RAPSN: variants seen among roughly 807,000 people sequenced by gnomAD.
The protein encoded by RAPSN is receptor associated protein of the synapse, also known as 43 kDa receptor-associated protein of the synapse.
In RAPSN, 33 loss-of-function variants were observed where a neutral mutation model predicts 45.7. The ratio of observed to expected loss-of-function variants is 0.72; its 90% CI spans 0.55 to 0.97. The LOEUF is 0.97. Ranked by LOEUF, RAPSN falls within the 50% of genes least tolerant of loss-of-function variation. The pLI is 0.00. For synonymous variants in RAPSN, 244 were observed against 233.6 expected (o/e 1.04, Z -0.40); for missense variants, 519 against 559.4 (o/e 0.93, Z 0.73).
chr11:47,444,035 G>T (rs535406842), intron 2 of RAPSN, among the ~76,000 whole-genome samples: 2 of 145,534 alleles, frequency 1.4e-5, no homozygotes, highest in East Asian at 4.0e-4. Flanking sequence ...TTCAGCTAAA[G>T]CCCCATTTCA....
At chr11:47,442,842 C>A in intron 2 of RAPSN, 28 bp from the exon 3 acceptor site, 1 of 1,612,430 alleles carries the variant, frequency 6.2e-7, no homozygotes, top group Non-Finnish European at 8.5e-7. Context: ...TGGAAGGAGG[C>A]AAACTGAGTG....
At position 47,447,674 on chromosome 11, in the gene RAPSN, C is replaced by A. The variant is rs1417150901; in HGVS notation, c.531+138G>T. On this transcript the variant is annotated intron_variant, in intron 2 of 7. Coordinates refer to ENST00000298854, the MANE Select transcript of RAPSN (RefSeq NM_005055.5). Reference sequence around the variant, plus strand: ...CCAAGTTGTTACCTTCCTGGATAAGCCTTTTTGCTCTCTGATTCTCACTCT... The same window carrying A: ...CCAAGTTGTTACCTTCCTGGATAAGACTTTTTGCTCTCTGATTCTCACTCT... 6.7e-6 allele frequency: 7 copies of A among 1,048,214 alleles called. No individual in the cohort carries two copies. The African/African-American group carries it at 8.0e-5, about 12-fold the overall frequency. 64.9% of individuals were successfully genotyped at this position (1,048,214 alleles called of 1,614,324 possible).
chr11:47,439,895 T>C (rs1298282351), intron 6 of RAPSN, among the ~76,000 whole-genome samples: 1 of 151,990 alleles, frequency 6.6e-6, no homozygotes, highest in Non-Finnish European at 1.5e-5. Context: ...GTATTTTTAG[T>C]AGAGACAGAG....
Position 47,449,134 on chromosome 11 carries a change from A to G in RAPSN, c.-170T>C. On this transcript the variant is annotated 5_prime_UTR_variant, in exon 1 of 8. Coordinates refer to ENST00000298854, the MANE Select transcript of RAPSN (RefSeq NM_005055.5). The stretch of plus-strand genomic sequence containing the variant: ...GATGGAGAGCAGGCGCCACCCTGGG[A>G]ACAAAGCTGGTTCAGCCCGTCTGCA... 1 of 783,384 alleles carries G rather than the reference A, an allele frequency of 1.3e-6. No individual in the cohort carries two copies. Among genetic ancestry groups the G allele is most frequent in the Non-Finnish European group, 2.1e-6 (1 of 467,868 alleles). The allele number at this position is 783,384 out of a possible 1,614,324, so 48.5% of individuals were successfully genotyped here. A position where few individuals can be genotyped will look rare whatever the true frequency, so the allele number is the denominator to read the frequency against.
Position 47,438,826 on chromosome 11 carries a change from C to A in RAPSN, c.1072G>T (p.Glu358Ter). ...HVVRFHECVEETELYCGLCGE... is the reference protein window; with the variant it reads ...HVVRFHECVE The stretch of plus-strand genomic sequence containing the variant: ...CACAGGCCGCAGTAGAGCTCCGTCT[C>A]CTCCACGCACTCGTGGAACCTCACA... The change falls in exon 7 of 8, where the codon GAG (glutamate) becomes TAG (stop). Residue 358 changes from glutamate to a stop codon, truncating the protein, a stop_gained. Transcript: ENST00000298854. LOFTEE classifies it high-confidence loss of function. 6.4e-7 allele frequency: 1 copy of A among 1,573,968 alleles called. No individual in the cohort carries two copies. The highest frequency in any genetic ancestry group is 1.3e-5 in the African/African-American group (1 of 74,496).
chr11:47,438,575 G>T (rs140425916), intron 7 of RAPSN, 157 bp downstream of exon 7: 2 of 830,344 alleles, frequency 2.4e-6, no homozygotes, highest in Non-Finnish European at 3.8e-6. Context: ...AGCCCGCCTC[G>T]GCCTCCCAAA....
chr11:47,439,022 T>C (rs1032796381), intron 6 of RAPSN, 91 bp from the exon 7 acceptor site: 3 of 1,389,026 alleles, frequency 2.2e-6, no homozygotes, highest in East Asian at 2.5e-5. Flanking sequence ...CCTGTCTTGC[T>C]GATGGACCTT....
Position 47,447,691 on chromosome 11 carries a change from T to TCTCA in RAPSN, c.531+117_531+120dup, listed in dbSNP as rs2076418727. The TCTCA allele has an allele frequency of 2.5e-6, 3 of 1,192,566 alleles. 1 individual carries two copies. Among genetic ancestry groups the TCTCA allele is most frequent in the Middle Eastern group, 5.5e-4 (2 of 3,632 alleles). 73.9% of individuals were successfully genotyped at this position (1,192,566 alleles called of 1,614,324 possible). On this transcript the variant is annotated intron_variant, in intron 2 of 7. Transcript: ENST00000298854. ...TGGATAAGCCTTTTTGCTCTCTGAT[T>TCTCA]CTCACTCTCCTCAGCCCTCCCTAAA...
At chr11:47,442,441 C>T (rs1315277135) in intron 3 of RAPSN, among the ~76,000 whole-genome samples, 1 of 152,234 alleles carries the variant, frequency 6.6e-6, no homozygotes, top group Non-Finnish European at 1.5e-5. Context: ...ACGAGGATCG[C>T]TTCAGCACAG....
intron 2 of RAPSN, among the ~76,000 whole-genome samples, chr11:47,446,968 C>T (rs778735185): frequency 3.5e-4 from 54 of 152,278 alleles, no homozygotes; most frequent in Admixed American, 5.9e-4. Context: ...AGTTCCTTCA[C>T]AGTTGGCCCT....
Position 47,437,998 on chromosome 11 carries a change from A to T in RAPSN, c.1216T>A (p.Ser406Thr), listed in dbSNP as rs1486159580. The change falls in exon 8 of 8, where the codon TCC becomes ACC. Residue 406 changes from serine (S) to threonine (T), a missense_variant. By Grantham distance (58) the Ser-to-Thr change is moderately conservative (BLOSUM62 1). Transcript: ENST00000298854. ...TRSCPNCRRS[S>T]MKPGFV Reference sequence around the variant, plus strand: ...AGTCATACAAAGCCAGGCTTCATGGATGAGCGGCGGCAGTTGGGACAGCTC... The same window carrying T: ...AGTCATACAAAGCCAGGCTTCATGGTTGAGCGGCGGCAGTTGGGACAGCTC... 7 of 1,550,412 alleles carry T rather than the reference A, an allele frequency of 4.5e-6. No individual in the cohort carries two copies. Among genetic ancestry groups the T allele is most frequent in the Non-Finnish European group, 6.1e-6 (7 of 1,146,976 alleles).
chr11:47,438,862 G>C lies in RAPSN; in HGVS notation c.1036C>G (p.Arg346Gly). ...YRSKGLQRELRAHVVRFHECV... is the reference protein window; with the variant it reads ...YRSKGLQRELGAHVVRFHECV... ...TCGTGGAACCTCACAACGTGCGCCC[G>C]CAGTTCCCGCTGCAGCCCTTTGCTG... Residue 346 changes from arginine to glycine, a missense_variant, in exon 7 of 8, where the codon CGG becomes GGG. Physicochemically the swap from Arg to Gly is moderately radical, Grantham distance 125. Coordinates refer to ENST00000298854, the MANE Select transcript of RAPSN (RefSeq NM_005055.5). 1 of 1,567,862 alleles carries C rather than the reference G, an allele frequency of 6.4e-7. No individual in the cohort carries two copies. The highest frequency in any genetic ancestry group is 8.7e-7 in the Non-Finnish European group (1 of 1,155,790).
intron 6 of RAPSN, among the ~76,000 whole-genome samples, chr11:47,439,285 C>T (rs1379804092): frequency 6.6e-6 from 1 of 152,120 alleles, no homozygotes; most frequent in Non-Finnish European, 1.5e-5. Flanking sequence ...ACCAGCCTGG[C>T]CAACATGGCG....
In RAPSN at chr11:47,441,682, T is replaced by G; in HGVS notation, c.841A>C (p.Asn281His). Residue 281 changes from asparagine (N) to histidine (H), a missense_variant, in exon 5 of 8, where the codon AAC becomes CAC. Physicochemically the swap from Asn to His is moderately conservative, Grantham distance 68 (BLOSUM62 1). Coordinates refer to ENST00000298854, the MANE Select transcript of RAPSN (RefSeq NM_005055.5). ...AGCGCCTGCACCTGCCCCAGGCGGTTTCCGATCTCGGTCATGATGCTCATG... is the reference window on the plus strand; with the variant it reads ...AGCGCCTGCACCTGCCCCAGGCGGTGTCCGATCTCGGTCATGATGCTCATG... Reference protein sequence around the residue: ...SAMSIMTEIGNRLGQVQALLG... With the variant: ...SAMSIMTEIGHRLGQVQALLG... The G allele has an allele frequency of 6.2e-7, 1 of 1,609,848 alleles. No homozygotes were observed. The highest frequency in any genetic ancestry group is 1.3e-5 in the African/African-American group (1 of 75,032).
chr11:47,442,535 G>A, intron 3 of RAPSN, 121 bp downstream of exon 3: 1 of 1,164,200 alleles, frequency 8.6e-7, no homozygotes, highest in Non-Finnish European at 1.2e-6. Context: ...GGCTGGGCCA[G>A]AGGCAAGCCC....
In RAPSN at chr11:47,441,188, G is replaced by C. The variant is rs575056189; in HGVS notation, c.937C>G (p.Gln313Glu). 6.2e-7 allele frequency: 1 copy of C among 1,614,062 alleles called. No individual in the cohort carries two copies. The highest frequency in any genetic ancestry group is 1.3e-5 in the African/African-American group (1 of 75,028). Reference sequence around the variant, plus strand: ...TTCCCCACCTCCTCGGCCAGATCCTGGGCTCTCTCGATGGCATCCAGAGCC... The same window carrying C: ...TTCCCCACCTCCTCGGCCAGATCCTCGGCTCTCTCGATGGCATCCAGAGCC... ...DKALDAIERA[Q>E]DLAEEVGNKL... is the part of the protein sequence containing the mutation. The change falls in exon 6 of 8, where the codon CAG becomes GAG. Residue 313 changes from glutamine (Q) to glutamate (E), a missense_variant. Transcript: ENST00000298854.
At chr11:47,440,466 G>A (rs2076353655) in intron 6 of RAPSN, among the ~76,000 whole-genome samples, 1 of 152,194 alleles carries the variant, frequency 6.6e-6, no homozygotes, top group African/African-American at 2.4e-5. Flanking sequence ...TTTTTGTAGA[G>A]GCCGGGCCTG....
Position 47,437,902 on chromosome 11 carries a change from T to C in RAPSN, c.*73A>G, listed in dbSNP as rs919827499. ...GACGACCTGGCAGCTGCCCCAGGAG[T>C]AAATGGGCCTCTGGCGTGCAGTGGA... On this transcript the variant is annotated 3_prime_UTR_variant, in exon 8 of 8. Transcript: ENST00000298854. 6.5e-7 allele frequency: 1 copy of C among 1,537,220 alleles called. No individual in the cohort carries two copies. The highest frequency in any genetic ancestry group is 8.8e-7 in the Non-Finnish European group (1 of 1,135,412).
At chr11:47,441,261 C>G (rs1312552254) in intron 5 of RAPSN, 49 bp from the exon 6 acceptor site, 16 of 1,608,278 alleles carry the variant, frequency 9.9e-6, no homozygotes, top group African/African-American at 1.3e-5. Context: ...GTCTGACAGG[C>G]CTTGCTCACA....
Sources: gnomAD v4.1 joint callset for allele counts (sites outside exome capture counted in the v4.1 genomes callset) on GRCh38, gnomAD v4.1.1 for gene constraint, MANE v1.5 for transcripts, NCBI Gene and HGNC (gene_info 2026-07-23, HGNC 2026-07-21) for gene names.